CYP2U1: variants seen among roughly 807,000 people sequenced by gnomAD.
The protein encoded by CYP2U1 is cytochrome P450 family 2 subfamily U member 1.
Under a neutral mutation model 42.8 loss-of-function variants are expected in CYP2U1, and 28 were observed. That is an observed-to-expected ratio of 0.65 (90% CI 0.48 to 0.90). CYP2U1 has a LOEUF of 0.90. Among genes scored for constraint, CYP2U1 ranks in the 40% least tolerant of loss-of-function variants. The pLI, the probability that CYP2U1 is intolerant of heterozygous loss-of-function variation, is 0.00. For missense variants in CYP2U1, 642 were observed against 693.8 expected (o/e 0.93, Z 0.84); for synonymous variants, 296 against 278.9 (o/e 1.06, Z -0.61).
chr4:107,945,696 G>A, intron 2 of CYP2U1, 91 bp downstream of exon 2: 2 of 1,449,868 alleles, frequency 1.4e-6, no homozygotes, highest in Non-Finnish European at 1.8e-6. Context: ...TTCTAACACT[G>A]AGCAATGTCT....
At chr4:107,946,873 TGA>T (rs1459855096) in intron 2 of CYP2U1, among the ~76,000 whole-genome samples, 1 of 145,480 alleles carries the variant, frequency 6.9e-6, no homozygotes, top group African/African-American at 2.5e-5. Context: ...GTGAGCAACC[TGA>T]GAGAGGAGAG....
chr4:107,931,695 G>A lies in CYP2U1; in HGVS notation c.52G>A (p.Ala18Thr), dbSNP rs1270660885. 5 of 1,338,918 alleles carry A rather than the reference G, an allele frequency of 3.7e-6. No homozygotes were observed. The highest frequency in any genetic ancestry group is 2.8e-6 in the Non-Finnish European group (3 of 1,054,114). 82.9% of individuals were successfully genotyped at this position (1,338,918 alleles called of 1,614,324 possible). A position where few individuals can be genotyped will look rare whatever the true frequency, so the allele number is the denominator to read the frequency against. ...QPPAEDPPWP[A>T]RLLRAPLGLL... ...GCCGGCCGAGGACCCGCCCTGGCCC[G>A]CGCGCCTCCTGCGTGCGCCTCTGGG... Residue 18 changes from alanine to threonine, a missense_variant, in exon 1 of 5, where the codon GCG becomes ACG. Coordinates refer to ENST00000332884, the MANE Select transcript of CYP2U1 (RefSeq NM_183075.3).
chr4:107,943,778 G>A (rs1015533201), intron 1 of CYP2U1, among the ~76,000 whole-genome samples: 1 of 152,190 alleles, frequency 6.6e-6, no homozygotes, highest in Admixed American at 6.5e-5. Context: ...TGCACCCCAT[G>A]CCTGGCAAAT....
chr4:107,948,655 C>G (rs1733799413), intron 3 of CYP2U1, among the ~76,000 whole-genome samples: 3 of 152,106 alleles, frequency 2.0e-5, no homozygotes, highest in Admixed American at 2.0e-4. Flanking sequence ...CTGTTTCAGC[C>G]TCTCATCTAC....
intron 3 of CYP2U1, among the ~76,000 whole-genome samples, chr4:107,948,144 T>C (rs1056513181): frequency 2.6e-5 from 4 of 151,322 alleles, no homozygotes; most frequent in Non-Finnish European, 5.9e-5. Flanking sequence ...GGTGCACAAC[T>C]GTAGTCCCAG....
intron 1 of CYP2U1, 131 bp from the exon 2 acceptor site, chr4:107,944,839 C>CATACATACACACATATAT (rs1553937413): frequency 3.2e-5 from 2 of 63,220 alleles, no homozygotes; most frequent in African/African-American, 1.3e-4. Context: ...TTTATATATA[C>CATACATACACACATATAT]ATATATATAT....
chr4:107,934,256 C>T (rs1578712626), intron 1 of CYP2U1, among the ~76,000 whole-genome samples: 2 of 151,020 alleles, frequency 1.3e-5, no homozygotes, highest in East Asian at 1.9e-4. Flanking sequence ...AGATGCTTCC[C>T]TACCCTGCAG....
chr4:107,946,136 A>G (rs184002252), intron 2 of CYP2U1, among the ~76,000 whole-genome samples: 3 of 152,360 alleles, frequency 2.0e-5, no homozygotes, highest in Admixed American at 2.0e-4. Flanking sequence ...CAAGTTTCTT[A>G]GAGTTCTATA....
At chr4:107,946,593 C>T (rs1733705039) in intron 2 of CYP2U1, among the ~76,000 whole-genome samples, 1 of 151,958 alleles carries the variant, frequency 6.6e-6, no homozygotes, top group African/African-American at 2.4e-5. Context: ...TTAATTATTG[C>T]TGGGTAGCAA....
rs1438248913 is a variant in CYP2U1 at position 107,950,693 on chromosome 4, G to A, written c.*270G>A. On this transcript the variant is annotated 3_prime_UTR_variant, in exon 5 of 5. Coordinates refer to ENST00000332884, the MANE Select transcript of CYP2U1 (RefSeq NM_183075.3). ...GGGATATCTGGATTTTACTTGCAGT[G>A]GCTTCCACCGATGGGCCAATCTTCT... 2 of 300,728 alleles carry A rather than the reference G, an allele frequency of 6.7e-6. No homozygotes were observed. The highest frequency in any genetic ancestry group is 2.1e-5 in the African/African-American group (1 of 46,734). The allele number at this position is 300,728 out of a possible 1,614,324, so 18.6% of individuals were successfully genotyped here. A position where few individuals can be genotyped will look rare whatever the true frequency, so the allele number is the denominator to read the frequency against.
At chr4:107,941,065 G>T (rs1016124383) in intron 1 of CYP2U1, 1 of 151,850 alleles carries the variant, frequency 6.6e-6, no homozygotes, top group Non-Finnish European at 1.5e-5. Context: ...AAAGAAAAGT[G>T]GTTCTTTTTT....
At position 107,945,090 on chromosome 4, in the gene CYP2U1, A is replaced by G. The variant is rs1269494926; in HGVS notation, c.611A>G (p.Lys204Arg). 1 of 1,613,664 alleles carries G rather than the reference A, an allele frequency of 6.2e-7. No homozygotes were observed. Among genetic ancestry groups the G allele is most frequent in the African/African-American group, 1.3e-5 (1 of 74,802 alleles). Residue 204 changes from lysine to arginine, a missense_variant, in exon 2 of 5, where the codon AAA becomes AGA. Coordinates refer to ENST00000332884, the MANE Select transcript of CYP2U1 (RefSeq NM_183075.3). ...SLEPKIIEEF[K>R]YVKAEMQKHG... ...GAGCCCAAGATTATTGAGGAGTTCAAATATGTGAAAGCAGAAATGCAAAAG... is the reference window on the plus strand; with the variant it reads ...GAGCCCAAGATTATTGAGGAGTTCAGATATGTGAAAGCAGAAATGCAAAAG...
At chr4:107,946,433 A>G (rs1453274862) in intron 2 of CYP2U1, among the ~76,000 whole-genome samples, 1 of 152,074 alleles carries the variant, frequency 6.6e-6, no homozygotes, top group African/African-American at 2.4e-5. Context: ...TAATCTTCCA[A>G]TCTCTGTGTC....
At chr4:107,943,307 A>G (rs891788436) in intron 1 of CYP2U1, among the ~76,000 whole-genome samples, 2 of 152,208 alleles carry the variant, frequency 1.3e-5, no homozygotes, top group African/African-American at 4.8e-5. Context: ...GTCATACTGA[A>G]TATGTACATA....
intron 1 of CYP2U1, among the ~76,000 whole-genome samples, chr4:107,942,312 G>T (rs1444246703): frequency 6.6e-6 from 1 of 152,054 alleles, no homozygotes; most frequent in Non-Finnish European, 1.5e-5. Context: ...CTCAGCAAAT[G>T]CCTCCTATGC....
At chr4:107,944,856 A>ATATATATATATATATATATATATATC (rs1399226450) in intron 1 of CYP2U1, 114 bp from the exon 2 acceptor site, 1 of 285,150 alleles carries the variant, frequency 3.5e-6, no homozygotes, top group Non-Finnish European at 6.2e-6. Flanking sequence ...ATATATTTAT[A>ATATATATATATATATATATATATATC]TGAGGAATTT....
chr4:107,950,524 G>A lies in CYP2U1; in HGVS notation c.*101G>A, dbSNP rs1733874180. On this transcript the variant is annotated 3_prime_UTR_variant, in exon 5 of 5. Transcript: ENST00000332884. The stretch of plus-strand genomic sequence containing the variant: ...GGACAGTGAATCCAGCAACTCAGTG[G>A]ATCCAAGCTGGGCTCAGAGGTCGGA... 4.7e-6 allele frequency: 6 copies of A among 1,282,484 alleles called. No homozygotes were observed. The South Asian group carries it at 9.8e-5, about 21-fold the overall frequency. 79.4% of individuals were successfully genotyped at this position (1,282,484 alleles called of 1,614,324 possible).
intron 1 of CYP2U1, among the ~76,000 whole-genome samples, chr4:107,934,520 A>G (rs886692221): frequency 2.6e-5 from 4 of 152,104 alleles, no homozygotes; most frequent in Admixed American, 6.6e-5. Flanking sequence ...TCCGCTCCAG[A>G]TTTTCATCCA....
chr4:107,942,458 C>T (rs941063795), intron 1 of CYP2U1, among the ~76,000 whole-genome samples: 2 of 152,096 alleles, frequency 1.3e-5, no homozygotes, highest in East Asian at 1.9e-4. Flanking sequence ...TTAAAAAGAA[C>T]GAGGTTTTGT....
Sources: gnomAD v4.1 joint callset for allele counts (sites outside exome capture counted in the v4.1 genomes callset) on GRCh38, gnomAD v4.1.1 for gene constraint, MANE v1.5 for transcripts, NCBI Gene and HGNC (gene_info 2026-07-23, HGNC 2026-07-21) for gene names.